The following ALDH1A2 variants were observed in gnomAD, a reference collection of about 807,000 sequenced individuals.
The protein encoded by ALDH1A2 is aldehyde dehydrogenase 1 family member A2, also known as retinal dehydrogenase 2.
A neutral mutation model predicts 60.3 loss-of-function variants in ALDH1A2; 27 were observed. The ratio of observed to expected loss-of-function variants is 0.45; its 90% CI spans 0.33 to 0.62. ALDH1A2 has a LOEUF of 0.62. ALDH1A2 is among the 20% of genes least tolerant of loss of function. The pLI is 0.02. For missense variants in ALDH1A2, 581 were observed against 643.8 expected, an observed-to-expected ratio of 0.90 and a Z score of 1.06; for synonymous variants, 289 against 232.4, an observed-to-expected ratio of 1.24 and a Z score of -2.21.
At chr15:58,001,799 A>G (rs370520655) in intron 4 of ALDH1A2, among the ~76,000 whole-genome samples, 16 of 151,976 alleles carry the variant, frequency 1.1e-4, no homozygotes, top group Admixed American at 6.6e-4. Flanking sequence ...GGATCTTCTT[A>G]GCAAATATGA....
chr15:58,018,224 C>T (rs1228741104), intron 1 of ALDH1A2, among the ~76,000 whole-genome samples: 1 of 151,966 alleles, frequency 6.6e-6, no homozygotes, highest in Admixed American at 6.6e-5. Flanking sequence ...CATGAAGAGG[C>T]TACCAATGGA....
intron 1 of ALDH1A2, among the ~76,000 whole-genome samples, chr15:58,048,179 G>A (rs780762927): frequency 1.1e-4 from 16 of 151,928 alleles, no homozygotes; most frequent in Admixed American, 1.3e-4. Context: ...CAAAAAAAAT[G>A]TAAAACTAAA....
intron 7 of ALDH1A2, among the ~76,000 whole-genome samples, chr15:57,971,290 A>G (rs1380186347): frequency 6.6e-6 from 1 of 152,188 alleles, no homozygotes; most frequent in Admixed American, 6.5e-5. Context: ...CTGAGAAGGT[A>G]GCTTTCCTTC....
chr15:58,011,411 C>G (rs545692305), intron 3 of ALDH1A2, among the ~76,000 whole-genome samples: 2 of 152,158 alleles, frequency 1.3e-5, no homozygotes, highest in East Asian at 3.8e-4. Context: ...CAATATTGAA[C>G]TGCTTTACAT....
chr15:58,025,577 T>C (rs1466597285), intron 1 of ALDH1A2, among the ~76,000 whole-genome samples: 8 of 152,118 alleles, frequency 5.3e-5, no homozygotes, highest in African/African-American at 1.9e-4. Flanking sequence ...CTACCAAACA[T>C]ACAAAGAATA....
chr15:58,050,245 G>A (rs1481391217), intron 1 of ALDH1A2, among the ~76,000 whole-genome samples: 1 of 151,804 alleles, frequency 6.6e-6, no homozygotes, highest in Non-Finnish European at 1.5e-5. Context: ...CAGTGTACCA[G>A]TTTTAAAGAA....
intron 1 of ALDH1A2, among the ~76,000 whole-genome samples, chr15:58,027,344 C>T (rs191489745): frequency 2.6e-5 from 4 of 152,188 alleles, no homozygotes; most frequent in Non-Finnish European, 5.9e-5. Flanking sequence ...GGAATAGCAT[C>T]AACATCAACA....
intron 7 of ALDH1A2, chr15:57,990,369 C>T (rs1894853062): frequency 6.6e-6 from 1 of 152,170 alleles, no homozygotes; most frequent in Admixed American, 6.5e-5. Flanking sequence ...TTTCTTGGGT[C>T]TCCAAAGGTT....
chr15:57,977,999 A>G (rs528077583), intron 7 of ALDH1A2, among the ~76,000 whole-genome samples: 3 of 151,928 alleles, frequency 2.0e-5, no homozygotes, highest in Non-Finnish European at 4.4e-5. Flanking sequence ...TTGTTTGTCT[A>G]TTATTGGTGT....
chr15:58,008,586 T>C (rs1213665670), intron 4 of ALDH1A2, among the ~76,000 whole-genome samples: 4 of 152,226 alleles, frequency 2.6e-5, no homozygotes, highest in South Asian at 2.1e-4. Flanking sequence ...TTAGGCCAAA[T>C]AGAGATCTAT....
At chr15:58,018,765 G>T (rs754043599) in intron 1 of ALDH1A2, among the ~76,000 whole-genome samples, 4 of 152,048 alleles carry the variant, frequency 2.6e-5, no homozygotes, top group South Asian at 2.1e-4. Flanking sequence ...CAAACATGAG[G>T]ATACAACAGG....
intron 1 of ALDH1A2, among the ~76,000 whole-genome samples, chr15:58,039,214 T>C (rs1397367770): frequency 1.3e-5 from 2 of 151,770 alleles, no homozygotes; most frequent in Admixed American, 6.6e-5. Flanking sequence ...CGATGACACA[T>C]AGCAAGAACC....
chr15:57,966,945 G>A (rs981622631), intron 7 of ALDH1A2, among the ~76,000 whole-genome samples: 18 of 152,204 alleles, frequency 1.2e-4, no homozygotes, highest in African/African-American at 4.3e-4. Context: ...GAGCAGAGCC[G>A]CCATATAGTC....
chr15:57,963,751 C>T, intron 9 of ALDH1A2, 134 bp downstream of exon 9: 1 of 885,964 alleles, frequency 1.1e-6, no homozygotes, highest in Non-Finnish European at 1.8e-6. Context: ...CATTTCCAGC[C>T]ACGAAGACAT....
At chr15:57,986,301 A>T (rs1235421093) in intron 7 of ALDH1A2, among the ~76,000 whole-genome samples, 1 of 152,160 alleles carries the variant, frequency 6.6e-6, no homozygotes, top group Admixed American at 6.6e-5. Flanking sequence ...GATGGTCTGA[A>T]TTCTGACCAG....
chr15:57,954,777 A>G lies in ALDH1A2; in HGVS notation c.*420T>C. 1 of 238,668 alleles carries G rather than the reference A, an allele frequency of 4.2e-6. No homozygotes were observed. The highest frequency in any genetic ancestry group is 8.4e-6 in the Non-Finnish European group (1 of 118,964). 14.8% of individuals were successfully genotyped at this position (238,668 alleles called of 1,614,324 possible). A position where few individuals can be genotyped will look rare whatever the true frequency, so the allele number is the denominator to read the frequency against. ...ATGAGCTCAGCTGACATCTCCTTGGAAGAGAGGGAGGGGTGGGTGAGCGAG... is the reference window on the plus strand; with the variant it reads ...ATGAGCTCAGCTGACATCTCCTTGGGAGAGAGGGAGGGGTGGGTGAGCGAG... On this transcript the variant is annotated 3_prime_UTR_variant, in exon 13 of 13. Transcript: ENST00000249750.
chr15:57,986,200 G>C (rs914266300), intron 7 of ALDH1A2, among the ~76,000 whole-genome samples: 1 of 152,162 alleles, frequency 6.6e-6, no homozygotes, highest in African/African-American at 2.4e-5. Context: ...ATATCAGGCA[G>C]TATGGGACTA....
intron 4 of ALDH1A2, among the ~76,000 whole-genome samples, chr15:58,007,592 A>G (rs1412570262): frequency 6.6e-6 from 1 of 152,086 alleles, no homozygotes. Context: ...AATCCAGACT[A>G]TCTCATCAGA....
At chr15:57,982,234 C>G (rs1595636412) in intron 7 of ALDH1A2, among the ~76,000 whole-genome samples, 1 of 152,176 alleles carries the variant, frequency 6.6e-6, no homozygotes, top group African/African-American at 2.4e-5. Context: ...CTCTAATCTA[C>G]AGCTGGGATA....
Sources: gnomAD v4.1 joint callset for allele counts (sites outside exome capture counted in the v4.1 genomes callset) on GRCh38, gnomAD v4.1.1 for gene constraint, MANE v1.5 for transcripts, NCBI Gene and HGNC (gene_info 2026-07-23, HGNC 2026-07-21) for gene names.